The following LINGO2 variants were observed in gnomAD, a reference collection of about 807,000 sequenced individuals.
LINGO2 encodes the protein leucine rich repeat and Ig domain containing 2.
A neutral mutation model predicts 30.6 loss-of-function variants in LINGO2; 14 were observed. The ratio of observed to expected loss-of-function variants is 0.46; its 90% CI spans 0.30 to 0.72. The LOEUF is 0.72. Ranked by LOEUF, LINGO2 falls within the 30% of genes least tolerant of loss-of-function variation. The pLI, the probability that LINGO2 is intolerant of heterozygous loss-of-function variation, is 0.07. For synonymous variants in LINGO2, 317 were observed against 288.5 expected, an observed-to-expected ratio of 1.10 and a Z score of -1.00; for missense variants, 729 against 751.7, an observed-to-expected ratio of 0.97 and a Z score of 0.35.
At chr9:27,962,892 T>G (rs1819916433) in intron 5 of LINGO2, among the ~76,000 whole-genome samples, 1 of 152,190 alleles carries the variant, frequency 6.6e-6, no homozygotes, top group African/African-American at 2.4e-5. Context: ...AGCACAATGA[T>G]TAGTACGTAC....
chr9:28,051,843 C>T lies in LINGO2; in HGVS notation c.-86-39438G>A, dbSNP rs372620962. Among the ~76,000 whole-genome samples the T allele has an allele frequency of 2.3e-4, 35 of 152,124 alleles. No individual in the cohort carries two copies. The South Asian group carries it at 7.1e-3, about 31-fold the overall frequency. On this transcript the variant is annotated intron_variant, in intron 4 of 5. Coordinates refer to ENST00000379992, the Ensembl canonical transcript of LINGO2. ...CCTCTCAAAATCCAAATTAAAAAAA[C>T]AGGATACAGTCTGTCCAAGAATATG...
chr9:28,965,525 C>T, the LINGO2 span, among the ~76,000 whole-genome samples: 1 of 151,906 alleles, frequency 6.6e-6, no homozygotes, highest in Non-Finnish European at 1.5e-5. Flanking sequence ...GTAATTAATG[C>T]TTAATTTTTA....
At chr9:28,998,046 A>T in the LINGO2 span, among the ~76,000 whole-genome samples, 1 of 152,164 alleles carries the variant, frequency 6.6e-6, no homozygotes, top group African/African-American at 2.4e-5. Flanking sequence ...ACCTTAAGCT[A>T]GTGAATAGCA....
Position 28,239,563 on chromosome 9 carries a change from A to G in LINGO2, c.-87+55645T>C, listed in dbSNP as rs371181004. ...TAGATCATTTCAAATGATGCTGAAA[A>G]GCATTTGATAAAGTTCAACACGCCT... On this transcript the variant is annotated intron_variant, in intron 4 of 5. Coordinates refer to ENST00000379992, the Ensembl canonical transcript of LINGO2. Among the ~76,000 whole-genome samples, 7 of 152,302 alleles carry G rather than the reference A, an allele frequency of 4.6e-5. No individual in the cohort carries two copies. In the East Asian group the frequency reaches 5.8e-4, roughly 13 times the overall value.
At chr9:28,619,605 T>A (rs1011059446) in intron 1 of LINGO2, among the ~76,000 whole-genome samples, 1 of 152,096 alleles carries the variant, frequency 6.6e-6, no homozygotes, top group African/African-American at 2.4e-5. Context: ...GCTCAGGAAT[T>A]CTGTTCTTGT....
At chr9:28,479,845 C>CTGTGTGTG (rs528584169) in intron 1 of LINGO2, among the ~76,000 whole-genome samples, 3,350 of 59,794 alleles carry the variant, frequency 0.056, 104 homozygotes, top group Non-Finnish European at 0.09. Context: ...ACCATGTCAT[C>CTGTGTGTG]TGTGTGTGTG....
intron 4 of LINGO2, among the ~76,000 whole-genome samples, chr9:28,050,044 G>A (rs1824600715): frequency 6.6e-6 from 1 of 150,734 alleles, no homozygotes; most frequent in African/African-American, 2.5e-5. Context: ...TGAGGAAATG[G>A]TTGGAGAAAT....
At chr9:28,916,131 A>C in the LINGO2 span, among the ~76,000 whole-genome samples, 1 of 152,176 alleles carries the variant, frequency 6.6e-6, no homozygotes, top group Non-Finnish European at 1.5e-5. Flanking sequence ...GACCAGCACT[A>C]ACATTTAAAA....
At chr9:28,523,307 G>C (rs1269859147) in intron 1 of LINGO2, among the ~76,000 whole-genome samples, 1 of 151,538 alleles carries the variant, frequency 6.6e-6, no homozygotes, top group Admixed American at 6.6e-5. Context: ...AGAACAGAAG[G>C]GAACTTCTTC....
the LINGO2 span, among the ~76,000 whole-genome samples, chr9:28,935,703 T>TA: frequency 1.6e-4 from 11 of 67,930 alleles, no homozygotes; most frequent in South Asian, 6.9e-4. Context: ...TGTTCTTTTT[T>TA]TAAAAAAACA....
intron 1 of LINGO2, among the ~76,000 whole-genome samples, chr9:28,540,017 AG>A (rs967492379): frequency 1.3e-5 from 2 of 152,136 alleles, no homozygotes; most frequent in Non-Finnish European, 2.9e-5. Context: ...AAATTTGGAA[AG>A]GGTTTCCAGA....
At chr9:28,132,513 TTAGA>T (rs1365728288) in intron 4 of LINGO2, among the ~76,000 whole-genome samples, 1 of 152,172 alleles carries the variant, frequency 6.6e-6, no homozygotes, top group Non-Finnish European at 1.5e-5. Context: ...GGTACTTCAG[TTAGA>T]TAGCTTTTAG....
the LINGO2 span, among the ~76,000 whole-genome samples, chr9:28,804,736 G>A: frequency 6.6e-6 from 1 of 152,038 alleles, no homozygotes; most frequent in East Asian, 1.9e-4. Flanking sequence ...AAATCATTAA[G>A]TGGGTCAGTT....
intron 4 of LINGO2, among the ~76,000 whole-genome samples, chr9:28,089,919 G>A (rs957428776): frequency 3.3e-5 from 5 of 152,138 alleles, no homozygotes; most frequent in African/African-American, 7.2e-5. Flanking sequence ...ACTACCATCA[G>A]AGAATACTAT....
chr9:28,494,233 C>G (rs1819496010), intron 1 of LINGO2, among the ~76,000 whole-genome samples: 1 of 151,630 alleles, frequency 6.6e-6, no homozygotes, highest in South Asian at 2.1e-4. Context: ...TTTTTTAAAT[C>G]ATACTTTAAG....
chr9:29,098,150 G>T, the LINGO2 span, among the ~76,000 whole-genome samples: 2 of 151,968 alleles, frequency 1.3e-5, no homozygotes. Context: ...AGTAAAAATG[G>T]TAGTTAAATA....
chr9:28,651,530 T>C (rs762336489), intron 1 of LINGO2, among the ~76,000 whole-genome samples: 1 of 152,068 alleles, frequency 6.6e-6, no homozygotes, highest in Admixed American at 6.6e-5. Context: ...ACCATGTCCA[T>C]CAGAGCTCTC....
the LINGO2 span, among the ~76,000 whole-genome samples, chr9:29,042,845 T>C: frequency 6.6e-6 from 1 of 151,930 alleles, no homozygotes; most frequent in Admixed American, 6.6e-5. Flanking sequence ...ACATAACATA[T>C]GTTTTTATTA....
At chr9:28,860,741 G>C in the LINGO2 span, among the ~76,000 whole-genome samples, 3 of 149,264 alleles carry the variant, frequency 2.0e-5, no homozygotes, top group Non-Finnish European at 4.4e-5. Flanking sequence ...ACAAAATGCA[G>C]TCAAAATGAA....
Sources: gnomAD v4.1 joint callset for allele counts (sites outside exome capture counted in the v4.1 genomes callset) on GRCh38, gnomAD v4.1.1 for gene constraint, MANE v1.5 for transcripts, NCBI Gene and HGNC (gene_info 2026-07-23, HGNC 2026-07-21) for gene names.